The following COL4A6 variants were observed in gnomAD, a reference collection of about 807,000 sequenced individuals.
COL4A6 encodes collagen alpha-6(IV) chain.
In COL4A6, 59 loss-of-function variants were observed where a neutral mutation model predicts 126.7. The ratio of observed to expected loss-of-function variants is 0.47; its 90% CI spans 0.38 to 0.58. The LOEUF is 0.58. COL4A6 is among the 20% of genes least tolerant of loss of function. COL4A6 has a pLI of 0.00. For missense variants in COL4A6, 1,285 were observed against 1,337.3 expected (o/e 0.96, Z 0.61); for synonymous variants, 547 against 496.6 (o/e 1.10, Z -1.35).
intron 2 of COL4A6, among the ~76,000 whole-genome samples, chrX:108,342,757 G>A (rs2039598050): frequency 9.0e-6 from 1 of 111,242 alleles, no homozygotes; most frequent in African/African-American, 3.3e-5. Context: ...CTACCCAGTG[G>A]ATATTTATTG....
Position 108,202,870 on chromosome X carries a change from C to T in COL4A6, c.834+58G>A. The T allele has an allele frequency of 5.0e-6, 5 of 999,248 alleles. No homozygotes were observed. The African/African-American group carries it at 5.6e-5, about 11-fold the overall frequency. The allele number at this position is 999,248 out of a possible 1,213,427, so 82.3% of individuals were successfully genotyped here. ...AGGTCTTTCTGTTAGCCTTCTATTG[C>T]TACAGCTTTTGTCCAATCAGACCCT... On this transcript the variant is annotated intron_variant, in intron 13 of 44. Transcript: ENST00000334504.
At chrX:108,356,741 A>C (rs777609190) in intron 2 of COL4A6, among the ~76,000 whole-genome samples, 6 of 112,314 alleles carry the variant, frequency 5.3e-5, no homozygotes, top group Admixed American at 3.8e-4. Context: ...TCTCCAAGAA[A>C]AAGTTTAATT....
intron 2 of COL4A6, among the ~76,000 whole-genome samples, chrX:108,362,055 T>TTGTG (rs10548613): frequency 9.2e-4 from 95 of 103,157 alleles, no homozygotes; most frequent in Admixed American, 2.1e-3. Context: ...TCAAACTAGT[T>TTGTG]TGTGTGTGTG....
Position 108,192,415 on chromosome X carries a change from T to A in COL4A6, c.1180+58A>T, listed in dbSNP as rs751168521. The A allele has an allele frequency of 6.4e-5, 56 of 876,318 alleles. No individual in the cohort carries two copies. In the East Asian group the frequency reaches 1.7e-3, roughly 27 times the overall value. 72.2% of individuals were successfully genotyped at this position (876,318 alleles called of 1,213,427 possible). On this transcript the variant is annotated intron_variant, in intron 18 of 44. Transcript: ENST00000334504. ...GACCCAGAGGTATAGAAGGGAATGC[T>A]GGGAACCACAGTGTATAGAGGACTG...
At chrX:108,174,996 G>T in intron 30 of COL4A6, 94 bp downstream of exon 30, 3 of 1,043,219 alleles carry the variant, frequency 2.9e-6, no homozygotes, top group Non-Finnish European at 3.8e-6. Flanking sequence ...GGCGATGGGG[G>T]GCTGTACTTG....
intron 3 of COL4A6, among the ~76,000 whole-genome samples, chrX:108,263,572 C>G (rs971578440): frequency 8.9e-6 from 1 of 111,734 alleles, no homozygotes. Context: ...ATTTTACAAG[C>G]TCCTCACATA....
At position 108,188,652 on chromosome X, in the gene COL4A6, G is replaced by A. The variant is rs1336704709; in HGVS notation, c.1452C>T (p.Asp484=). ...GTGGTCCAGTGTTGGGAACACCACCGTCACAAGCACAGAAACCTGAGTCTC... is the reference window on the plus strand; with the variant it reads ...GTGGTCCAGTGTTGGGAACACCACCATCACAAGCACAGAAACCTGAGTCTC... The part of the protein sequence containing the change: ...IKGDSGFCAC[D]GGVPNTGPPG... The change falls in exon 21 of 45, where the codon GAC becomes GAT. Residue 484 remains aspartate (D), a synonymous_variant. Transcript: ENST00000334504. 19 of 1,164,834 alleles carry A rather than the reference G, an allele frequency of 1.6e-5. No homozygotes were observed. The highest frequency in any genetic ancestry group is 8.1e-5 in the South Asian group (4 of 49,396).
At chrX:108,261,569 T>C (rs1242472344) in intron 3 of COL4A6, among the ~76,000 whole-genome samples, 3 of 111,495 alleles carry the variant, frequency 2.7e-5, no homozygotes, top group African/African-American at 9.8e-5. Flanking sequence ...CCTGGTTATA[T>C]ACATAGAGCA....
chrX:108,284,486 C>T (rs189271858), intron 3 of COL4A6, among the ~76,000 whole-genome samples: 2 of 111,789 alleles, frequency 1.8e-5, no homozygotes, highest in Non-Finnish European at 3.8e-5. Flanking sequence ...AAGACATGAT[C>T]CAATATAGTA....
chrX:108,391,999 G>A (rs890901719), intron 2 of COL4A6, among the ~76,000 whole-genome samples: 2 of 112,227 alleles, frequency 1.8e-5, no homozygotes, highest in African/African-American at 3.2e-5. Flanking sequence ...TTTAACAAAG[G>A]TGCCAAGACC....
chrX:108,321,832 T>C (rs188859605), intron 2 of COL4A6, among the ~76,000 whole-genome samples: 4 of 111,361 alleles, frequency 3.6e-5, no homozygotes, highest in African/African-American at 1.3e-4. Context: ...TGAGCATCTG[T>C]TATGTGCCTA....
Position 108,247,237 on chromosome X carries a change from C to T in COL4A6, c.145-25863G>A, listed in dbSNP as rs183016969. Among the ~76,000 whole-genome samples, 13 of 111,601 alleles carry T rather than the reference C, an allele frequency of 1.2e-4. No individual in the cohort carries two copies. In the East Asian group the frequency reaches 2.0e-3, roughly 17 times the overall value. ...CTAGCCTGTGACCTTGGGCAAGCTG[C>T]TTTATCTCTGTTTCCTGTTTATAAA... On this transcript the variant is annotated intron_variant, in intron 3 of 44. Coordinates refer to ENST00000334504, the MANE Select transcript of COL4A6 (RefSeq NM_033641.4).
intron 3 of COL4A6, among the ~76,000 whole-genome samples, chrX:108,287,952 G>C (rs895099950): frequency 7.2e-5 from 8 of 111,844 alleles, no homozygotes; most frequent in Admixed American, 6.6e-4. Context: ...AGGAATCACT[G>C]TTCCTTGTGG....
At chrX:108,385,029 C>T (rs1451680217) in intron 2 of COL4A6, among the ~76,000 whole-genome samples, 1 of 110,540 alleles carries the variant, frequency 9.0e-6, no homozygotes, top group Non-Finnish European at 1.9e-5. Flanking sequence ...TGGTATTTTC[C>T]AAGACCCCAG....
intron 3 of COL4A6, among the ~76,000 whole-genome samples, chrX:108,274,517 C>T (rs2037543885): frequency 9.0e-6 from 1 of 111,510 alleles, no homozygotes; most frequent in Admixed American, 9.6e-5. Context: ...TGGTCTTAGG[C>T]AAGTTATTTG....
intron 8 of COL4A6, among the ~76,000 whole-genome samples, chrX:108,207,244 G>A (rs1246700377): frequency 9.4e-6 from 1 of 106,437 alleles, no homozygotes. Context: ...ATTAAACACC[G>A]CATGTTCACA....
chrX:108,323,834 T>G (rs766752716), intron 2 of COL4A6, among the ~76,000 whole-genome samples: 1 of 112,287 alleles, frequency 8.9e-6, no homozygotes, highest in African/African-American at 3.2e-5. Context: ...TTAGAGAAAC[T>G]GTGGCAATAG....
intron 3 of COL4A6, among the ~76,000 whole-genome samples, chrX:108,233,796 C>T (rs779903261): frequency 3.6e-5 from 4 of 112,048 alleles, no homozygotes; most frequent in Non-Finnish European, 7.5e-5. Context: ...GATTTGAACT[C>T]AAGAAGATGA....
rs763752485 is a variant in COL4A6, at chrX:108,161,679, G to A, written c.4273C>T (p.Pro1425Ser). 2.5e-6 allele frequency: 3 copies of A among 1,199,608 alleles called. No homozygotes were observed. The African/African-American group carries it at 5.4e-5, about 22-fold the overall frequency. ...CCAGGATCACCAAGAGCCCCAGGTG[G>A]GCCTGGGAGCCCACTGGGGCCATCT... The part of the protein sequence containing the change: ...GKDGPSGLPG[P>S]PGALGDPGLP... The change falls in exon 42 of 45, where the codon CCA (proline) becomes TCA (serine). Residue 1425 changes from proline to serine, a missense_variant. Transcript: ENST00000334504.
Sources: allele counts gnomAD v4.1 joint callset (sites outside exome capture counted in the v4.1 genomes callset), GRCh38; gene constraint gnomAD v4.1.1; transcripts MANE v1.5; gene names NCBI Gene and HGNC (gene_info 2026-07-23, HGNC 2026-07-21).